The following RYR2 variants were observed in gnomAD, a reference collection of about 807,000 sequenced individuals.
The protein encoded by RYR2 is cardiac muscle ryanodine receptor-calcium release channel.
A neutral mutation model predicts 601.1 loss-of-function variants in RYR2; 227 were observed. That is an observed-to-expected ratio of 0.38 (90% CI 0.34 to 0.42). The LOEUF (loss-of-function observed/expected upper bound fraction) is 0.42. RYR2 is among the 10% of genes least tolerant of loss of function. The pLI, the probability that RYR2 is intolerant of heterozygous loss-of-function variation, is 1.00. For missense variants in RYR2, 4,646 were observed against 6,156.5 expected (o/e 0.75, Z 8.21); for synonymous variants, 2,223 against 2,175.1 (o/e 1.02, Z -0.61).
chr1:237,737,493 A>G (rs1691253829), intron 79 of RYR2, among the ~76,000 whole-genome samples: 1 of 152,240 alleles, frequency 6.6e-6, no homozygotes, highest in Non-Finnish European at 1.5e-5. Flanking sequence ...TTTGCCATCA[A>G]TGGCAAGAAT....
chr1:237,052,725 G>T (rs530099983), intron 1 of RYR2, among the ~76,000 whole-genome samples: 1 of 151,968 alleles, frequency 6.6e-6, no homozygotes, highest in South Asian at 2.1e-4. Context: ...TCTCCTTTTA[G>T]GGAAGAACAA....
intron 90 of RYR2, 43 bp from the exon 91 acceptor site, chr1:237,785,926 G>A (rs970530311): frequency 7.4e-7 from 1 of 1,355,956 alleles, no homozygotes; most frequent in African/African-American, 1.4e-5. Context: ...ATTCAAAGGT[G>A]ATGGGTAATC....
chr1:237,548,929 C>T (rs558435310), intron 26 of RYR2, among the ~76,000 whole-genome samples: 14 of 152,218 alleles, frequency 9.2e-5, no homozygotes, highest in African/African-American at 3.1e-4. Flanking sequence ...ATGGGTTCAC[C>T]ATCCCTTATT....
At chr1:237,450,629 G>A (rs1171395894) in intron 14 of RYR2, among the ~76,000 whole-genome samples, 1 of 152,136 alleles carries the variant, frequency 6.6e-6, no homozygotes, top group South Asian at 2.1e-4. Context: ...GTTGACATGT[G>A]CAATGCTTAT....
intron 73 of RYR2, among the ~76,000 whole-genome samples, chr1:237,722,413 A>T (rs1035870846): frequency 3.3e-5 from 5 of 150,902 alleles, no homozygotes; most frequent in Admixed American, 2.6e-4. Context: ...CCAGGACTTT[A>T]TCTGTCTTTC....
intron 1 of RYR2, among the ~76,000 whole-genome samples, chr1:237,251,384 G>T (rs925344531): frequency 1.3e-5 from 2 of 152,042 alleles, no homozygotes; most frequent in Admixed American, 6.5e-5. Flanking sequence ...TGAACACCAC[G>T]TTGCCAAATG....
chr1:237,807,330 C>A (rs1344885505), intron 99 of RYR2, among the ~76,000 whole-genome samples: 1 of 152,008 alleles, frequency 6.6e-6, no homozygotes, highest in East Asian at 1.9e-4. Flanking sequence ...TGTGGGGTTT[C>A]TTTTTGAGGG....
intron 58 of RYR2, 102 bp from the exon 59 acceptor site, chr1:237,673,994 G>A (rs377755691): frequency 3.4e-5 from 29 of 841,976 alleles, no homozygotes; most frequent in African/African-American, 2.9e-4. Flanking sequence ...TATTATTAAA[G>A]GATATGGAAA....
chr1:237,058,171 A>G (rs1026157934), intron 1 of RYR2, among the ~76,000 whole-genome samples: 5 of 152,190 alleles, frequency 3.3e-5, no homozygotes, highest in African/African-American at 1.2e-4. Context: ...TATGTATACT[A>G]TTAAGCAAAT....
intron 50 of RYR2, among the ~76,000 whole-genome samples, chr1:237,650,447 T>G (rs1682614987): frequency 6.6e-6 from 1 of 152,164 alleles, no homozygotes; most frequent in African/African-American, 2.4e-5. Flanking sequence ...GTTTGATGAT[T>G]TAACTCATCT....
In RYR2 at chr1:237,680,426, G is replaced by A. The variant is rs775327552; in HGVS notation, c.8896-30G>A. Reference sequence around the variant, plus strand: ...TTCATCCCCTGAAAGATTCCACTACGTAGATCTGTCTTCTTTTCCTTTCTT... The same window carrying A: ...TTCATCCCCTGAAAGATTCCACTACATAGATCTGTCTTCTTTTCCTTTCTT... On this transcript the variant is annotated intron_variant, in intron 61 of 104. Transcript: ENST00000366574. 3.8e-5 allele frequency: 61 copies of A among 1,598,458 alleles called. No homozygotes were observed. The Admixed American group carries it at 6.0e-4, about 16-fold the overall frequency.
At chr1:237,690,522 T>C (rs78531876) in intron 63 of RYR2, among the ~76,000 whole-genome samples, 5,999 of 152,328 alleles carry the variant, frequency 0.039, 154 homozygotes, top group Middle Eastern at 0.071. Flanking sequence ...TATTATACTT[T>C]ATTTACATAA....
At chr1:237,462,338 T>C (rs974223370) in intron 16 of RYR2, among the ~76,000 whole-genome samples, 2 of 152,148 alleles carry the variant, frequency 1.3e-5, no homozygotes, top group African/African-American at 4.8e-5. Context: ...CATGGATATA[T>C]TTCATGTGTT....
At chr1:237,105,827 T>C (rs1668600558) in intron 1 of RYR2, among the ~76,000 whole-genome samples, 1 of 113,632 alleles carries the variant, frequency 8.8e-6, no homozygotes, top group Non-Finnish European at 1.7e-5. Flanking sequence ...AAAGCGAGAC[T>C]CTGTCTCAAA....
intron 24 of RYR2, among the ~76,000 whole-genome samples, chr1:237,525,444 T>G (rs930522803): frequency 3.1e-5 from 4 of 129,728 alleles, no homozygotes; most frequent in East Asian, 2.8e-4. Context: ...CAGGTGTTTT[T>G]TTTGTTTGTT....
intron 39 of RYR2, 138 bp from the exon 40 acceptor site, chr1:237,625,523 C>G (rs1679551820): frequency 2.4e-5 from 19 of 791,238 alleles, no homozygotes; most frequent in Non-Finnish European, 3.5e-5. Context: ...GGCTGGTAAG[C>G]AACATTGCTT....
intron 43 of RYR2, among the ~76,000 whole-genome samples, chr1:237,634,143 G>A (rs529971137): frequency 1.1e-4 from 17 of 152,208 alleles, no homozygotes; most frequent in South Asian, 2.1e-4. Context: ...TCAGTATGTC[G>A]AAGAGATACG....
Position 237,144,953 on chromosome 1 carries a change from C to G in RYR2, c.48+102384C>G, listed in dbSNP as rs142505553. Among the ~76,000 whole-genome samples, 79 of 152,144 alleles carry G rather than the reference C, an allele frequency of 5.2e-4. No individual in the cohort carries two copies. In the East Asian group the frequency reaches 7.9e-3, roughly 15 times the overall value. ...GTTTATAATTTCCTTGCTTGTACCA[C>G]TATACATGATTCCCTGGCCAATAGT... On this transcript the variant is annotated intron_variant, in intron 1 of 104. Transcript: ENST00000366574.
At chr1:237,618,186 A>T (rs1448903546) in intron 38 of RYR2, among the ~76,000 whole-genome samples, 9 of 149,526 alleles carry the variant, frequency 6.0e-5, no homozygotes, top group Non-Finnish European at 7.4e-5. Flanking sequence ...TAATTACAGA[A>T]TTTTTTTTTT....
Sources: gnomAD v4.1 joint callset for allele counts (sites outside exome capture counted in the v4.1 genomes callset) on GRCh38, gnomAD v4.1.1 for gene constraint, MANE v1.5 for transcripts, NCBI Gene and HGNC (gene_info 2026-07-23, HGNC 2026-07-21) for gene names.